RNF26: variants seen among roughly 807,000 people sequenced by gnomAD.
The protein encoded by RNF26 is E3 ubiquitin-protein ligase RNF26.
A neutral mutation model predicts 25.4 loss-of-function variants in RNF26; 8 were observed. The observed-to-expected ratio is 0.31, with a 90% CI of 0.18 to 0.57. The LOEUF (loss-of-function observed/expected upper bound fraction) is 0.57, where lower values mean the gene tolerates loss of function less well. RNF26 is among the 20% of genes least tolerant of loss of function. The pLI, the probability that RNF26 is intolerant of heterozygous loss-of-function variation, is 0.90. For missense variants in RNF26, 470 were observed against 552.0 expected, an observed-to-expected ratio of 0.85 and a Z score of 1.49; for synonymous variants, 262 against 246.7, an observed-to-expected ratio of 1.06 and a Z score of -0.58.
chr11:119,335,897 A>G lies in RNF26; in HGVS notation c.775A>G (p.Ser259Gly). 6.2e-7 allele frequency: 1 copy of G among 1,609,890 alleles called. No homozygotes were observed. The highest frequency in any genetic ancestry group is 1.1e-5 in the South Asian group (1 of 91,086). ...FTLRLATQAL[S>G]QLHARPSYHR... ...CCTGAGGCTGGCTACCCAGGCACTC[A>G]GCCAGCTCCATGCCCGGCCATCCTA... is the stretch of plus-strand genomic sequence containing the variant. Residue 259 changes from serine (S) to glycine (G), a missense_variant, in exon 1 of 1, where the codon AGC (serine) becomes GGC (glycine). Transcript: ENST00000311413.
chr11:119,336,331 C>T lies in RNF26; in HGVS notation c.1209C>T (p.Ala403=), dbSNP rs148554233. The change falls in exon 1 of 1, where the codon GCC becomes GCT. Residue 403 remains alanine (A), a synonymous_variant. Coordinates refer to ENST00000311413, the MANE Select transcript of RNF26 (RefSeq NM_032015.5). ...LPCRHLCLCQ[A]CTEILMRHPV... is the part of the protein sequence containing the mutation. ...GCCGGCATCTGTGCCTGTGCCAGGC[C>T]TGCACTGAAATCCTGATGCGCCACC... 1 of 1,612,912 alleles carries T rather than the reference C, an allele frequency of 6.2e-7. No homozygotes were observed. The highest frequency in any genetic ancestry group is 8.5e-7 in the Non-Finnish European group (1 of 1,180,018).
Position 119,336,209 on chromosome 11 carries a change from G to A in RNF26, c.1087G>A (p.Gly363Ser). Residue 363 changes from glycine to serine, a missense_variant, in exon 1 of 1, where the codon GGT (glycine) becomes AGT (serine). Transcript: ENST00000311413. The stretch of plus-strand genomic sequence containing the variant: ...GAGGCTCAATGAGGAGGAGCCTCCA[G>A]GTGGGCAAGACCCTTGGAAATTGCT... ...RERLNEEEPPGGQDPWKLLKE... is the reference protein window; with the variant it reads ...RERLNEEEPPSGQDPWKLLKE... 5 of 1,614,090 alleles carry A rather than the reference G, an allele frequency of 3.1e-6. No individual in the cohort carries two copies. Among genetic ancestry groups the A allele is most frequent in the Non-Finnish European group, 4.2e-6 (5 of 1,180,040 alleles).
In RNF26 at chr11:119,336,050, C is replaced by T. The variant is rs143529789; in HGVS notation, c.928C>T (p.Pro310Ser). The change falls in exon 1 of 1, where the codon CCC becomes TCC. Residue 310 changes from proline (P) to serine (S), a missense_variant. Pro to Ser is a moderately conservative substitution (Grantham distance 74, BLOSUM62 -1). Coordinates refer to ENST00000311413, the MANE Select transcript of RNF26 (RefSeq NM_032015.5). ...WPNRGGAPGA[P>S]QGDPMRVFSV... is the part of the protein sequence containing the mutation. ...AAACCGGGGAGGGGCACCTGGAGCT[C>T]CCCAGGGTGACCCTATGAGGGTATT... The T allele has an allele frequency of 2.2e-5, 35 of 1,613,774 alleles. No homozygotes were observed. The highest frequency in any genetic ancestry group is 2.9e-5 in the Non-Finnish European group (34 of 1,180,022).
rs780394425 is a variant in RNF26 at position 119,335,343 on chromosome 11, G to C, written c.221G>C (p.Arg74Pro). Residue 74 changes from arginine to proline, a missense_variant, in exon 1 of 1, where the codon CGG becomes CCG. Physicochemically the swap from Arg to Pro is moderately radical, Grantham distance 103. Coordinates refer to ENST00000311413, the MANE Select transcript of RNF26 (RefSeq NM_032015.5). ...CTGGCCTTGATCGAAGCCGTGGTCCGGTTCACATGTGGGGGCTTGCAGGCC... is the reference window on the plus strand; with the variant it reads ...CTGGCCTTGATCGAAGCCGTGGTCCCGTTCACATGTGGGGGCTTGCAGGCC... ...SLLALIEAVV[R>P]FTCGGLQALC... 6.2e-7 allele frequency: 1 copy of C among 1,614,176 alleles called. No homozygotes were observed. The highest frequency in any genetic ancestry group is 1.3e-5 in the African/African-American group (1 of 75,044).
chr11:119,336,688 G>T lies in RNF26; in HGVS notation c.*264G>T, dbSNP rs919013970. 3 of 532,516 alleles carry T rather than the reference G, an allele frequency of 5.6e-6. No homozygotes were observed. The South Asian group carries it at 7.8e-5, about 14-fold the overall frequency. 33.0% of individuals were successfully genotyped at this position (532,516 alleles called of 1,614,324 possible). On this transcript the variant is annotated 3_prime_UTR_variant, in exon 1 of 1. Transcript: ENST00000311413. ...AGGGCCCTGAGACTATTTGCTGTGG[G>T]CTCTCCTCCAGCCTGCCCAGGGCCC...
rs1402166214 is a variant in RNF26, at chr11:119,335,983, G to A, written c.861G>A (p.Trp287Ter). The change falls in exon 1 of 1, where the codon TGG becomes TGA. Residue 287 changes from tryptophan (W) to a stop codon, truncating the protein, a stop_gained. Transcript: ENST00000311413. LOFTEE classifies it high-confidence loss of function. ...LSRLALGSEA[W>*]RRVWSRSLQL... ...GCCTAGCACTGGGCTCAGAGGCCTG[G>A]CGCCGAGTCTGGAGCCGCAGTCTGC... is the stretch of plus-strand genomic sequence containing the variant. The A allele has an allele frequency of 9.9e-6, 16 of 1,612,524 alleles. No individual in the cohort carries two copies. The highest frequency in any genetic ancestry group is 1.3e-5 in the Non-Finnish European group (15 of 1,180,034).
Position 119,335,275 on chromosome 11 carries a change from G to C in RNF26, c.153G>C (p.Leu51=). The change falls in exon 1 of 1, where the codon CTG becomes CTC. Residue 51 remains leucine, a synonymous_variant. Transcript: ENST00000311413. ...TCTACAACCTGCCGCACACGGTACT[G>C]ACTAGTCTTCTGCACTTGGGCCGCG... is the stretch of plus-strand genomic sequence containing the variant. ...AFVYNLPHTV[L]TSLLHLGRGV... 4 of 1,614,204 alleles carry C rather than the reference G, an allele frequency of 2.5e-6. No individual in the cohort carries two copies. The highest frequency in any genetic ancestry group is 2.5e-6 in the Non-Finnish European group (3 of 1,180,038).
Position 119,336,208 on chromosome 11 carries a change from A to G in RNF26, c.1086A>G (p.Pro362=). The G allele has an allele frequency of 6.2e-7, 1 of 1,614,098 alleles. No individual in the cohort carries two copies. The highest frequency in any genetic ancestry group is 8.5e-7 in the Non-Finnish European group (1 of 1,180,044). The change falls in exon 1 of 1, where the codon CCA becomes CCG. Residue 362 remains proline, a synonymous_variant. Coordinates refer to ENST00000311413, the MANE Select transcript of RNF26 (RefSeq NM_032015.5). ...GRERLNEEEP[P]GGQDPWKLLK... ...AGAGGCTCAATGAGGAGGAGCCTCC[A>G]GGTGGGCAAGACCCTTGGAAATTGC...
chr11:119,336,040 A>G lies in RNF26; in HGVS notation c.918A>G (p.Ala306=). Residue 306 remains alanine, a synonymous_variant, in exon 1 of 1, where the codon GCA becomes GCG. Transcript: ENST00000311413. Reference sequence around the variant, plus strand: ...CGAGTTGGCCAAACCGGGGAGGGGCACCTGGAGCTCCCCAGGGTGACCCTA... The same window carrying G: ...CGAGTTGGCCAAACCGGGGAGGGGCGCCTGGAGCTCCCCAGGGTGACCCTA... ...QLASWPNRGG[A]PGAPQGDPMR... is the part of the protein sequence containing the mutation. The G allele has an allele frequency of 6.2e-7, 1 of 1,613,774 alleles. No individual in the cohort carries two copies. The highest frequency in any genetic ancestry group is 8.5e-7 in the Non-Finnish European group (1 of 1,179,998).
At position 119,336,229 on chromosome 11, in the gene RNF26, A is replaced by G. The variant is rs192267132; in HGVS notation, c.1107A>G (p.Lys369=). Residue 369 remains lysine (K), a synonymous_variant, in exon 1 of 1, where the codon AAA becomes AAG. Transcript: ENST00000311413. The part of the protein sequence containing the change: ...EEPPGGQDPW[K]LLKEQEERKK... ...CTCCAGGTGGGCAAGACCCTTGGAA[A>G]TTGCTGAAGGAGCAAGAGGAGCGGA... 8.7e-4 allele frequency: 1,404 copies of G among 1,614,020 alleles called. 11 individuals are homozygous for G. In the East Asian group the frequency reaches 9.3e-3, roughly 11 times the overall value.
Position 119,335,826 on chromosome 11 carries a change from C to T in RNF26, c.704C>T (p.Ala235Val). The T allele has an allele frequency of 6.2e-7, 1 of 1,612,282 alleles. No homozygotes were observed. The highest frequency in any genetic ancestry group is 1.1e-5 in the South Asian group (1 of 91,076). The change falls in exon 1 of 1, where the codon GCT (alanine) becomes GTT (valine). Residue 235 changes from alanine to valine, a missense_variant. Ala to Val is a moderately conservative substitution (Grantham distance 64, BLOSUM62 0). Coordinates refer to ENST00000311413, the MANE Select transcript of RNF26 (RefSeq NM_032015.5). ...AATCTCACTGGCTTGGTGTTGCTAG[C>T]TTGTGTGCTGGCAGTGACGGTGACT... ...LVNLTGLVLL[A>V]CVLAVTVTVL...
In RNF26 at chr11:119,336,314, C is replaced by T. The variant is rs61760890; in HGVS notation, c.1192C>T (p.Leu398=). Residue 398 remains leucine (L), a synonymous_variant, in exon 1 of 1, where the codon CTG becomes TTG. Coordinates refer to ENST00000311413, the MANE Select transcript of RNF26 (RefSeq NM_032015.5). ...KTVLLLPCRH[L]CLCQACTEIL... Reference sequence around the variant, plus strand: ...AGTGTTGCTCCTGCCCTGCCGGCATCTGTGCCTGTGCCAGGCCTGCACTGA... The same window carrying T: ...AGTGTTGCTCCTGCCCTGCCGGCATTTGTGCCTGTGCCAGGCCTGCACTGA... 1.9e-3 allele frequency: 3,067 copies of T among 1,613,202 alleles called. 49 individuals are homozygous for T. The African/African-American group carries it at 0.035, about 19-fold the overall frequency.
Position 119,336,039 on chromosome 11 carries a change from C to T in RNF26, c.917C>T (p.Ala306Val). 6.2e-7 allele frequency: 1 copy of T among 1,613,794 alleles called. No individual in the cohort carries two copies. The highest frequency in any genetic ancestry group is 8.5e-7 in the Non-Finnish European group (1 of 1,180,024). The change falls in exon 1 of 1, where the codon GCA becomes GTA. Residue 306 changes from alanine (A) to valine (V), a missense_variant. By Grantham distance (64) the Ala-to-Val change is moderately conservative. Coordinates refer to ENST00000311413, the MANE Select transcript of RNF26 (RefSeq NM_032015.5). ...QLASWPNRGG[A>V]PGAPQGDPMR... ...GCGAGTTGGCCAAACCGGGGAGGGG[C>T]ACCTGGAGCTCCCCAGGGTGACCCT...
Position 119,335,239 on chromosome 11 carries a change from C to G in RNF26, c.117C>G (p.Leu39=), listed in dbSNP as rs769820502. 1.2e-6 allele frequency: 2 copies of G among 1,614,192 alleles called. No individual in the cohort carries two copies. Among genetic ancestry groups the G allele is most frequent in the Non-Finnish European group, 1.7e-6 (2 of 1,180,040 alleles). ...VSSLLASLAW[L]LAFVYNLPHT... Reference sequence around the variant, plus strand: ...CCCTCCTGGCTTCCCTGGCCTGGCTCCTGGCCTTCGTCTACAACCTGCCGC... The same window carrying G: ...CCCTCCTGGCTTCCCTGGCCTGGCTGCTGGCCTTCGTCTACAACCTGCCGC... The change falls in exon 1 of 1, where the codon CTC becomes CTG. Residue 39 remains leucine, a synonymous_variant. Transcript: ENST00000311413.
chr11:119,336,160 A>G lies in RNF26; in HGVS notation c.1038A>G (p.Arg346=). 6.2e-7 allele frequency: 1 copy of G among 1,614,142 alleles called. No homozygotes were observed. Among genetic ancestry groups the G allele is most frequent in the African/African-American group, 1.3e-5 (1 of 75,042 alleles). ...EAEEEEARTI[R]VTPVRGRERL... ...AAGAGGAGGAGGCCAGGACCATCAG[A>G]GTGACACCTGTCAGGGGCCGAGAGA... Residue 346 remains arginine (R), a synonymous_variant, in exon 1 of 1, where the codon AGA becomes AGG. Coordinates refer to ENST00000311413, the MANE Select transcript of RNF26 (RefSeq NM_032015.5).
Position 119,335,368 on chromosome 11 carries a change from C to T in RNF26, c.246C>T (p.Ala82=). The T allele has an allele frequency of 2.5e-6, 4 of 1,614,218 alleles. No individual in the cohort carries two copies. Among genetic ancestry groups the T allele is most frequent in the Non-Finnish European group, 3.4e-6 (4 of 1,180,052 alleles). The change falls in exon 1 of 1, where the codon GCC becomes GCT. Residue 82 remains alanine, a synonymous_variant. Coordinates refer to ENST00000311413, the MANE Select transcript of RNF26 (RefSeq NM_032015.5). The stretch of plus-strand genomic sequence containing the variant: ...GGTTCACATGTGGGGGCTTGCAGGC[C>T]TTGTGTACTCTGCTGTATAGCTGCT... ...VVRFTCGGLQ[A]LCTLLYSCCS...
Position 119,335,987 on chromosome 11 carries a change from C to G in RNF26, c.865C>G (p.Arg289Gly). The G allele has an allele frequency of 6.2e-7, 1 of 1,612,790 alleles. No homozygotes were observed. The highest frequency in any genetic ancestry group is 8.5e-7 in the Non-Finnish European group (1 of 1,180,018). The change falls in exon 1 of 1, where the codon CGA becomes GGA. Residue 289 changes from arginine (R) to glycine (G), a missense_variant. Transcript: ENST00000311413. ...RLALGSEAWRRVWSRSLQLAS... is the reference protein window; with the variant it reads ...RLALGSEAWRGVWSRSLQLAS... ...AGCACTGGGCTCAGAGGCCTGGCGCCGAGTCTGGAGCCGCAGTCTGCAGCT... is the reference window on the plus strand; with the variant it reads ...AGCACTGGGCTCAGAGGCCTGGCGCGGAGTCTGGAGCCGCAGTCTGCAGCT...
chr11:119,335,357 G>A lies in RNF26; in HGVS notation c.235G>A (p.Gly79Ser). The change falls in exon 1 of 1, where the codon GGC becomes AGC. Residue 79 changes from glycine (G) to serine (S), a missense_variant. Transcript: ENST00000311413. ...AGCCGTGGTCCGGTTCACATGTGGG[G>A]GCTTGCAGGCCTTGTGTACTCTGCT... ...IEAVVRFTCG[G>S]LQALCTLLYS... 2 of 1,614,168 alleles carry A rather than the reference G, an allele frequency of 1.2e-6. No individual in the cohort carries two copies. The highest frequency in any genetic ancestry group is 1.7e-6 in the Non-Finnish European group (2 of 1,180,034).
chr11:119,335,270 G>A lies in RNF26; in HGVS notation c.148G>A (p.Val50Ile), dbSNP rs1378949771. 3.1e-6 allele frequency: 5 copies of A among 1,614,172 alleles called. No individual in the cohort carries two copies. The highest frequency in any genetic ancestry group is 1.1e-5 in the South Asian group (1 of 91,082). Reference protein sequence around the residue: ...LAFVYNLPHTVLTSLLHLGRG... With the variant: ...LAFVYNLPHTILTSLLHLGRG... ...CTTCGTCTACAACCTGCCGCACACG[G>A]TACTGACTAGTCTTCTGCACTTGGG... is the stretch of plus-strand genomic sequence containing the variant. The change falls in exon 1 of 1, where the codon GTA becomes ATA. Residue 50 changes from valine (V) to isoleucine (I), a missense_variant. Val to Ile is a conservative substitution (Grantham distance 29). Transcript: ENST00000311413.
Sources: gnomAD v4.1 joint callset for allele counts on GRCh38, gnomAD v4.1.1 for gene constraint, MANE v1.5 for transcripts, NCBI Gene and HGNC (gene_info 2026-07-23, HGNC 2026-07-21) for gene names.